MPZL1: variants seen among roughly 807,000 people sequenced by gnomAD.
MPZL1 encodes the protein myelin protein zero like 1.
In MPZL1, 16 loss-of-function variants were observed where a neutral mutation model predicts 29.3. The ratio of observed to expected loss-of-function variants is 0.55; its 90% CI spans 0.37 to 0.83. The LOEUF (loss-of-function observed/expected upper bound fraction) is 0.83, where lower values mean the gene tolerates loss of function less well. Among genes scored for constraint, MPZL1 ranks in the 40% least tolerant of loss-of-function variants. The probability of loss-of-function intolerance (pLI) is 0.00; values close to 1 mark genes in which losing one functional copy is unlikely to be tolerated. For missense variants in MPZL1, 279 were observed against 332.9 expected (o/e 0.84, Z 1.26); for synonymous variants, 143 against 132.0 (o/e 1.08, Z -0.57).
At chr1:167,742,061 G>A (rs1466474100) in intron 1 of MPZL1, among the ~76,000 whole-genome samples, 1 of 150,954 alleles carries the variant, frequency 6.6e-6, no homozygotes. Flanking sequence ...GGGAGGTCAA[G>A]GCAAGTGTAT....
intron 1 of MPZL1, among the ~76,000 whole-genome samples, chr1:167,732,936 T>C (rs1049222509): frequency 5.9e-5 from 9 of 152,254 alleles, no homozygotes; most frequent in East Asian, 1.9e-4. Context: ...AGAGCTTTCA[T>C]TGAAACTCCT....
intron 1 of MPZL1, among the ~76,000 whole-genome samples, chr1:167,745,617 T>C (rs1298339515): frequency 6.6e-6 from 1 of 152,088 alleles, no homozygotes; most frequent in Non-Finnish European, 1.5e-5. Flanking sequence ...TCATATTCTT[T>C]TTGTATTTTA....
chr1:167,782,458 A>T (rs12027566), intron 5 of MPZL1, among the ~76,000 whole-genome samples: 27,575 of 152,100 alleles, frequency 0.18, 3,006 homozygotes, highest in East Asian at 0.37. Flanking sequence ...CACTTTGTAC[A>T]AATTGATTGA....
intron 5 of MPZL1, among the ~76,000 whole-genome samples, chr1:167,783,305 G>C (rs1461661390): frequency 3.9e-5 from 6 of 152,158 alleles, no homozygotes; most frequent in Admixed American, 3.3e-4. Context: ...CTAGAGTTTA[G>C]AGTGTTAAGG....
intron 1 of MPZL1, among the ~76,000 whole-genome samples, chr1:167,734,274 A>T (rs147795066): frequency 3.3e-5 from 5 of 151,914 alleles, no homozygotes; most frequent in Non-Finnish European, 5.9e-5. Context: ...AAAAAGATAA[A>T]CCCACTGTAA....
chr1:167,738,288 G>GAC (rs1660420658), intron 1 of MPZL1, among the ~76,000 whole-genome samples: 1 of 151,932 alleles, frequency 6.6e-6, no homozygotes, highest in Non-Finnish European at 1.5e-5. Context: ...GTCTCTACCA[G>GAC]ATTTCAAGAT....
chr1:167,764,367 A>G (rs893362949), intron 1 of MPZL1, among the ~76,000 whole-genome samples: 7 of 152,212 alleles, frequency 4.6e-5, no homozygotes, highest in African/African-American at 1.7e-4. Flanking sequence ...TGGTAGACAC[A>G]TTTCAATTAC....
At chr1:167,765,860 T>A (rs987655089) in intron 2 of MPZL1, 111 bp downstream of exon 2, 32 of 1,085,442 alleles carry the variant, frequency 2.9e-5, no homozygotes, top group Non-Finnish European at 4.0e-5. Context: ...GTGTATTTTT[T>A]ATCTGTTATA....
chr1:167,730,209 G>A (rs1660233479), intron 1 of MPZL1, among the ~76,000 whole-genome samples: 2 of 152,120 alleles, frequency 1.3e-5, no homozygotes, highest in Admixed American at 1.3e-4. Flanking sequence ...TGCAGAATCT[G>A]TTTGTGCCAC....
At chr1:167,734,987 G>A (rs187256837) in intron 1 of MPZL1, among the ~76,000 whole-genome samples, 152 of 152,312 alleles carry the variant, frequency 1.0e-3, no homozygotes, top group Non-Finnish European at 1.7e-3. Context: ...AGTTTGTGCT[G>A]TAGTTGAGTC....
intron 1 of MPZL1, among the ~76,000 whole-genome samples, chr1:167,744,953 G>GTGGAAACTGATGATACCAT (rs1484334980): frequency 5.3e-5 from 8 of 152,168 alleles, no homozygotes; most frequent in Non-Finnish European, 1.5e-5. Context: ...TGGTTAAGAT[G>GTGGAAACTGATGATACCAT]TGGAAACTGA....
chr1:167,785,381 CA>C (rs1189599924), intron 5 of MPZL1, among the ~76,000 whole-genome samples: 1 of 152,196 alleles, frequency 6.6e-6, no homozygotes, highest in Non-Finnish European at 1.5e-5. Flanking sequence ...GTGTGGGTCC[CA>C]AGATCAGTGA....
At chr1:167,769,770 A>C (rs553832950) in intron 2 of MPZL1, among the ~76,000 whole-genome samples, 1 of 152,336 alleles carries the variant, frequency 6.6e-6, no homozygotes, top group Admixed American at 6.5e-5. Context: ...GTGATCATTT[A>C]GGCATTGTGG....
At chr1:167,731,581 C>T (rs925051529) in intron 1 of MPZL1, among the ~76,000 whole-genome samples, 4 of 151,880 alleles carry the variant, frequency 2.6e-5, no homozygotes, top group African/African-American at 7.3e-5. Flanking sequence ...GGACTACAGG[C>T]AGCCGCCACC....
At chr1:167,764,439 G>A (rs1661065768) in intron 1 of MPZL1, among the ~76,000 whole-genome samples, 1 of 152,182 alleles carries the variant, frequency 6.6e-6, no homozygotes, top group Admixed American at 6.5e-5. Flanking sequence ...GTGATATACG[G>A]TGTAATCAGC....
intron 2 of MPZL1, among the ~76,000 whole-genome samples, chr1:167,771,022 T>C (rs1293695013): frequency 6.6e-6 from 1 of 151,030 alleles, no homozygotes; most frequent in Admixed American, 6.6e-5. Flanking sequence ...TTTTTTTTAA[T>C]TGATCATTCT....
chr1:167,745,466 A>G (rs1660626744), intron 1 of MPZL1, among the ~76,000 whole-genome samples: 1 of 152,052 alleles, frequency 6.6e-6, no homozygotes, highest in Non-Finnish European at 1.5e-5. Context: ...AAAAACACGG[A>G]AAATACTTAA....
At chr1:167,755,049 G>A (rs185305358) in intron 1 of MPZL1, among the ~76,000 whole-genome samples, 32 of 152,250 alleles carry the variant, frequency 2.1e-4, no homozygotes, top group African/African-American at 6.0e-4. Flanking sequence ...TTATATTTAC[G>A]TTAGGGTTCC....
At chr1:167,776,762 T>C (rs1203027708) in intron 5 of MPZL1, among the ~76,000 whole-genome samples, 2 of 152,256 alleles carry the variant, frequency 1.3e-5, no homozygotes, top group Non-Finnish European at 2.9e-5. Flanking sequence ...TTGGCTGTAG[T>C]ATTTTAATTA....
Sources: allele counts gnomAD v4.1 joint callset (sites outside exome capture counted in the v4.1 genomes callset), GRCh38; gene constraint gnomAD v4.1.1; transcripts MANE v1.5; gene names NCBI Gene and HGNC (gene_info 2026-07-23, HGNC 2026-07-21).